RPL31: variants seen among roughly 807,000 people sequenced by gnomAD.
RPL31 encodes large ribosomal subunit protein eL31.
For synonymous variants in RPL31, 51 were observed against 55.0 expected (o/e 0.93, Z 0.32); for missense variants, 95 against 164.0 (o/e 0.58, Z 2.30).
intron 4 of RPL31, chr2:101,018,203 CACTG>C (rs1420799721): frequency 6.1e-6 from 2 of 326,806 alleles, no homozygotes; most frequent in Non-Finnish European, 5.6e-6. Flanking sequence ...CAAATTATAA[CACTG>C]ACTAAACATC....
At chr2:101,016,288 G>T (rs1234017948) in intron 4 of RPL31, among the ~76,000 whole-genome samples, 2 of 152,256 alleles carry the variant, frequency 1.3e-5, no homozygotes, top group Admixed American at 1.3e-4. Flanking sequence ...CTTCTCAAAA[G>T]AAGACATTTA....
At chr2:101,015,902 C>A (rs546974138) in intron 4 of RPL31, among the ~76,000 whole-genome samples, 1 of 151,944 alleles carries the variant, frequency 6.6e-6, no homozygotes, top group Non-Finnish European at 1.5e-5. Flanking sequence ...CCCTTCCTTA[C>A]ACCTTATACA....
rs566613524 is a variant in RPL31 at position 101,004,254 on chromosome 2, C to G, written c.204C>G (p.Leu68=). 2 of 1,614,096 alleles carry G rather than the reference C, an allele frequency of 1.2e-6. No individual in the cohort carries two copies. The highest frequency in any genetic ancestry group is 4.5e-5 in the East Asian group (2 of 44,890). ...CAGATGTGCGCATTGACACCAGGCT[C>G]AACAAAGCTGTCTGGGCCAAAGGAA... ...GTPDVRIDTR[L]NKAVWAKGIR... The change falls in exon 3 of 5, where the codon CTC becomes CTG. Residue 68 remains leucine (L), a synonymous_variant. Transcript: ENST00000264258.
rs1398289871 is a variant in RPL31 at position 101,005,791 on chromosome 2, T to C, written c.234-168T>C. On this transcript the variant is annotated intron_variant, in intron 3 of 4. Transcript: ENST00000264258. The stretch of plus-strand genomic sequence containing the variant: ...CTCCTGTGGTAACAGCATTTAATGT[T>C]CACCTGGGGGTTATGTTTCATTTTC... The C allele has an allele frequency of 1.4e-5, 9 of 624,610 alleles. No individual in the cohort carries two copies. In the East Asian group the frequency reaches 2.5e-4, roughly 17 times the overall value. 38.7% of individuals were successfully genotyped at this position (624,610 alleles called of 1,614,324 possible).
chr2:101,015,711 G>C (rs1178130678), intron 4 of RPL31, among the ~76,000 whole-genome samples: 1 of 152,168 alleles, frequency 6.6e-6, no homozygotes, highest in East Asian at 1.9e-4. Context: ...CATGGTACTG[G>C]TACCAAAACA....
At chr2:101,003,637 TAAGTG>T in intron 2 of RPL31, among the ~76,000 whole-genome samples, 1 of 152,334 alleles carries the variant, frequency 6.6e-6, no homozygotes, top group South Asian at 2.1e-4. Flanking sequence ...TTTAAGTATT[TAAGTG>T]AAGTGAGCTT....
At chr2:101,011,914 C>G (rs1679245460), downstream of RPL31, among the ~76,000 whole-genome samples, 1 of 152,192 alleles carries the variant, frequency 6.6e-6, no homozygotes, top group African/African-American at 2.4e-5. Context: ...CACTAAATCT[C>G]TGGGTGGTGG....
rs13420285 is a variant in RPL31, at chr2:101,004,304, C to G, written c.233+21C>G. The G allele has an allele frequency of 0.01, 16,232 of 1,611,914 alleles. 1,358 individuals are homozygous for G. In the African/African-American group the frequency reaches 0.19, roughly 19 times the overall value. Reference sequence around the variant, plus strand: ...ATAAGGTGCTAAAGTTATCTGTATTCGAAGGTGAACTTTTGCAATGACACC... The same window carrying G: ...ATAAGGTGCTAAAGTTATCTGTATTGGAAGGTGAACTTTTGCAATGACACC... On this transcript the variant is annotated intron_variant, in intron 3 of 4. Transcript: ENST00000264258.
chr2:101,006,092 A>G (rs1678722005), intron 4 of RPL31, 21 bp downstream of exon 4: 3 of 1,608,768 alleles, frequency 1.9e-6, no homozygotes, highest in Non-Finnish European at 1.7e-6. Context: ...CATCCCATAA[A>G]GCCATTTAAA....
chr2:101,015,922 T>C (rs1679599384), intron 4 of RPL31, among the ~76,000 whole-genome samples: 1 of 151,786 alleles, frequency 6.6e-6, no homozygotes, highest in Non-Finnish European at 1.5e-5. Flanking sequence ...AAAAATTAAT[T>C]CAAGATGGAT....
At chr2:101,011,480 G>C (rs1679209000), downstream of RPL31, 3 of 1,613,816 alleles carry the variant, frequency 1.9e-6, no homozygotes, top group African/African-American at 1.3e-5. Context: ...CAGGGGTCTC[G>C]ATGTTGACAA....
chr2:101,009,360 C>T (rs1006992020), downstream of RPL31, among the ~76,000 whole-genome samples: 3 of 149,080 alleles, frequency 2.0e-5, no homozygotes, highest in African/African-American at 5.0e-5. Flanking sequence ...GAGCCGAGAT[C>T]GTGCCACTGC....
chr2:101,003,215 G>T (rs1012697942), intron 2 of RPL31, among the ~76,000 whole-genome samples: 1 of 152,172 alleles, frequency 6.6e-6, no homozygotes, highest in Non-Finnish European at 1.5e-5. Context: ...CTACTTTGTT[G>T]AATTTTTACC....
At chr2:101,019,062 G>A (rs772690813) in exon 5 of RPL31, 1 of 1,606,730 alleles carries the variant, frequency 6.2e-7, no homozygotes, top group Non-Finnish European at 8.5e-7. Context: ...GGAAGTGGAT[G>A]AGGCCTTGGG....
At chr2:101,008,969 G>A (rs1678963532), downstream of RPL31, among the ~76,000 whole-genome samples, 1 of 152,340 alleles carries the variant, frequency 6.6e-6, no homozygotes, top group South Asian at 2.1e-4. Context: ...AATGTAAAAT[G>A]AAATGGAAGA....
chr2:101,011,988 G>A (rs966619797), downstream of RPL31, among the ~76,000 whole-genome samples: 1 of 152,178 alleles, frequency 6.6e-6, no homozygotes, highest in African/African-American at 2.4e-5. Context: ...ACATACTGCT[G>A]TACTTACACG....
chr2:101,017,792 G>T, intron 4 of RPL31: 1 of 1,529,448 alleles, frequency 6.5e-7, no homozygotes, highest in South Asian at 1.2e-5. Flanking sequence ...GACAAGCTCA[G>T]GACTTTTTAA....
chr2:101,018,525 A>G (rs1054908065), intron 4 of RPL31, among the ~76,000 whole-genome samples: 1 of 152,244 alleles, frequency 6.6e-6, no homozygotes, highest in African/African-American at 2.4e-5. Context: ...CTTCACAGAA[A>G]GCTGAACACA....
downstream of RPL31, among the ~76,000 whole-genome samples, chr2:101,009,406 CAAAA>C (rs70943054): frequency 2.0e-5 from 2 of 97,772 alleles, no homozygotes; most frequent in African/African-American, 9.1e-5. Flanking sequence ...ACTCTGTCTC[CAAAA>C]AAAAAAAAAA....
Sources: allele counts gnomAD v4.1 joint callset (sites outside exome capture counted in the v4.1 genomes callset), GRCh38; gene constraint gnomAD v4.1.1; transcripts MANE v1.5; gene names NCBI Gene and HGNC (gene_info 2026-07-23, HGNC 2026-07-21).